ESRRG: variants seen among roughly 807,000 people sequenced by gnomAD.
ESRRG encodes the protein estrogen related receptor gamma.
Under a neutral mutation model 44.0 loss-of-function variants are expected in ESRRG, and 13 were observed. That is an observed-to-expected ratio of 0.30 (90% CI 0.19 to 0.47). The LOEUF is 0.47. Among genes scored for constraint, ESRRG ranks in the 20% least tolerant of loss-of-function variants. ESRRG has a pLI of 1.00. For synonymous variants in ESRRG, 215 were observed against 214.6 expected (o/e 1.00, Z -0.02); for missense variants, 395 against 580.6 (o/e 0.68, Z 3.29).
At chr1:216,751,409 T>A (rs151025033) in intron 2 of ESRRG, among the ~76,000 whole-genome samples, 2 of 152,252 alleles carry the variant, frequency 1.3e-5, no homozygotes, top group East Asian at 3.9e-4. Context: ...ATTTTAACTT[T>A]GGTTATGGAA....
intron 3 of ESRRG, among the ~76,000 whole-genome samples, chr1:216,637,565 G>A (rs150494035): frequency 3.5e-4 from 53 of 152,260 alleles, no homozygotes; most frequent in African/African-American, 1.3e-3. Context: ...AGAACCAAAA[G>A]ACATCATTAT....
chr1:216,921,199 C>T (rs1440006387), intron 2 of ESRRG, among the ~76,000 whole-genome samples: 1 of 152,110 alleles, frequency 6.6e-6, no homozygotes, highest in Non-Finnish European at 1.5e-5. Context: ...AGATACCAGA[C>T]ACATCTTTCA....
chr1:216,895,402 C>A (rs942017467), intron 2 of ESRRG, among the ~76,000 whole-genome samples: 1 of 152,016 alleles, frequency 6.6e-6, no homozygotes, highest in Non-Finnish European at 1.5e-5. Flanking sequence ...TATGGGGATC[C>A]AAAACTAAAG....
intron 3 of ESRRG, among the ~76,000 whole-genome samples, chr1:216,580,240 G>A (rs982076431): frequency 2.6e-5 from 4 of 152,044 alleles, no homozygotes; most frequent in African/African-American, 7.2e-5. Context: ...TTTTCTTTTG[G>A]TAATTCTAAA....
intron 3 of ESRRG, among the ~76,000 whole-genome samples, chr1:216,569,361 G>T (rs1299532108): frequency 1.3e-5 from 2 of 152,106 alleles, no homozygotes; most frequent in African/African-American, 4.8e-5. Context: ...GTTAAAGAGG[G>T]CTAAAGGGTG....
intron 2 of ESRRG, among the ~76,000 whole-genome samples, chr1:216,799,829 C>G (rs529773699): frequency 6.6e-6 from 1 of 152,238 alleles, no homozygotes; most frequent in East Asian, 1.9e-4. Flanking sequence ...TTCCACGGGA[C>G]TGGGTGAATT....
At chr1:216,542,322 A>C (rs1276955397) in intron 5 of ESRRG, among the ~76,000 whole-genome samples, 1 of 151,978 alleles carries the variant, frequency 6.6e-6, no homozygotes, top group Non-Finnish European at 1.5e-5. Flanking sequence ...CTCTTGGAAG[A>C]ATAAAAAGAT....
At chr1:216,611,856 T>A (rs2060721808) in intron 3 of ESRRG, among the ~76,000 whole-genome samples, 1 of 152,176 alleles carries the variant, frequency 6.6e-6, no homozygotes, top group East Asian at 1.9e-4. Flanking sequence ...GTTGAATTTC[T>A]CCAGGCAAAG....
chr1:216,811,624 T>C (rs564680570), intron 2 of ESRRG, among the ~76,000 whole-genome samples: 4 of 152,306 alleles, frequency 2.6e-5, no homozygotes, highest in African/African-American at 9.6e-5. Context: ...CTGGCAATTT[T>C]ACTATTAAGT....
intron 3 of ESRRG, among the ~76,000 whole-genome samples, chr1:216,637,135 G>T (rs2065448644): frequency 6.6e-6 from 1 of 152,116 alleles, no homozygotes; most frequent in African/African-American, 2.4e-5. Flanking sequence ...CAGCAACCTG[G>T]ACAGCCTCTC....
intron 2 of ESRRG, among the ~76,000 whole-genome samples, chr1:216,929,981 T>C (rs1477845400): frequency 3.3e-5 from 5 of 152,160 alleles, no homozygotes; most frequent in Non-Finnish European, 5.9e-5. Context: ...TCTTACCTTA[T>C]CTAAGTTATT....
At chr1:216,535,053 A>AGGGTGTAT (rs1255192438) in intron 5 of ESRRG, among the ~76,000 whole-genome samples, 10 of 152,136 alleles carry the variant, frequency 6.6e-5, no homozygotes, top group African/African-American at 2.2e-4. Context: ...ACAGAGAGTT[A>AGGGTGTAT]GGGTGTATGG....
At chr1:217,015,459 A>T (rs1292446203) in intron 1 of ESRRG, among the ~76,000 whole-genome samples, 2 of 152,128 alleles carry the variant, frequency 1.3e-5, no homozygotes, top group Non-Finnish European at 1.5e-5. Context: ...ACTTGGCTCA[A>T]ACTAGTATCT....
chr1:216,859,440 A>T lies in ESRRG; in HGVS notation c.-14+80142T>A, dbSNP rs1173203868. ...AGTACTAGAGAAGATGTTGCTGCAA[A>T]GATAGAGAACTCCAGAGATTTGCAG... On this transcript the variant is annotated intron_variant, in intron 2 of 7. Transcript: ENST00000359162. Among the ~76,000 whole-genome samples, 3 of 152,240 alleles carry T rather than the reference A, an allele frequency of 2.0e-5. No individual in the cohort carries two copies. The East Asian group carries it at 5.8e-4, about 29-fold the overall frequency.
At chr1:216,875,509 G>A (rs751625542) in intron 2 of ESRRG, among the ~76,000 whole-genome samples, 25 of 151,990 alleles carry the variant, frequency 1.6e-4, no homozygotes, top group Non-Finnish European at 2.5e-4. Flanking sequence ...CCTACAGAAC[G>A]CATGTTATAT....
chr1:217,094,029 C>A (rs762797484), upstream of ESRRG, among the ~76,000 whole-genome samples: 2 of 151,818 alleles, frequency 1.3e-5, no homozygotes, highest in South Asian at 4.2e-4. Flanking sequence ...ACTACAGGTA[C>A]GTGCCACCAT....
intron 1 of ESRRG, among the ~76,000 whole-genome samples, chr1:216,968,404 G>A (rs2070898691): frequency 6.6e-6 from 1 of 152,044 alleles, no homozygotes; most frequent in African/African-American, 2.4e-5. Flanking sequence ...GTTAATTTTT[G>A]TGAAGAATGT....
chr1:216,643,085 C>T (rs1558984276), intron 3 of ESRRG, among the ~76,000 whole-genome samples: 1 of 152,154 alleles, frequency 6.6e-6, no homozygotes, highest in East Asian at 1.9e-4. Context: ...TCTCAGAGTT[C>T]CCACTGCCAT....
At chr1:217,056,747 C>A (rs752752628) in intron 1 of ESRRG, among the ~76,000 whole-genome samples, 1 of 150,818 alleles carries the variant, frequency 6.6e-6, no homozygotes, top group East Asian at 1.9e-4. Flanking sequence ...AAATCCCTGA[C>A]AACATTTAAA....
Sources: gnomAD v4.1 joint callset for allele counts (sites outside exome capture counted in the v4.1 genomes callset) on GRCh38, gnomAD v4.1.1 for gene constraint, MANE v1.5 for transcripts, NCBI Gene and HGNC (gene_info 2026-07-23, HGNC 2026-07-21) for gene names.